The following DGKB variants were observed in gnomAD, a reference collection of about 807,000 sequenced individuals.
DGKB encodes the protein 90 kDa diacylglycerol kinase.
A neutral mutation model predicts 114.3 loss-of-function variants in DGKB; 67 were observed. That is an observed-to-expected ratio of 0.59 (90% CI 0.48 to 0.72). The LOEUF is 0.72. Ranked by LOEUF, DGKB falls within the 30% of genes least tolerant of loss-of-function variation. The probability of loss-of-function intolerance (pLI) is 0.00; values close to 1 mark genes in which losing one functional copy is unlikely to be tolerated. For synonymous variants in DGKB, 398 were observed against 323.1 expected (o/e 1.23, Z -2.49); for missense variants, 907 against 975.2 (o/e 0.93, Z 0.93).
chr7:14,235,831 ATGTGAAGCTATAAAACT>A (rs1332703138), intron 23 of DGKB, among the ~76,000 whole-genome samples: 1 of 152,092 alleles, frequency 6.6e-6, no homozygotes, highest in Non-Finnish European at 1.5e-5. Context: ...TTTAGCTGTT[ATGTGAAGCTATAAAACT>A]TAGTGGCAAC....
intron 21 of DGKB, among the ~76,000 whole-genome samples, chr7:14,415,863 T>G (rs1351213716): frequency 6.6e-6 from 1 of 152,172 alleles, no homozygotes; most frequent in African/African-American, 2.4e-5. Context: ...TCCACAATGG[T>G]TGAACTAGTT....
chr7:14,580,453 G>A (rs181018647), intron 19 of DGKB, among the ~76,000 whole-genome samples: 34 of 152,220 alleles, frequency 2.2e-4, no homozygotes, highest in African/African-American at 6.7e-4. Flanking sequence ...ATTATTTAAC[G>A]TATTCACTCC....
intron 1 of DGKB, among the ~76,000 whole-genome samples, chr7:14,944,889 G>A (rs1372134251): frequency 6.6e-6 from 1 of 151,580 alleles, no homozygotes; most frequent in Non-Finnish European, 1.5e-5. Flanking sequence ...AATATTAGAA[G>A]CATAAATCTT....
At chr7:14,934,550 A>G (rs1348474143) in intron 1 of DGKB, among the ~76,000 whole-genome samples, 1 of 152,154 alleles carries the variant, frequency 6.6e-6, no homozygotes, top group Non-Finnish European at 1.5e-5. Flanking sequence ...ACTTCAAACT[A>G]GAGAAGAGAC....
chr7:14,268,533 G>A (rs1797846687), intron 23 of DGKB, among the ~76,000 whole-genome samples: 1 of 152,158 alleles, frequency 6.6e-6, no homozygotes, highest in Non-Finnish European at 1.5e-5. Context: ...AAAAGCACAT[G>A]AGAAATTCTT....
intron 21 of DGKB, among the ~76,000 whole-genome samples, chr7:14,441,813 T>C (rs1830126920): frequency 6.6e-6 from 1 of 152,176 alleles, no homozygotes; most frequent in African/African-American, 2.4e-5. Flanking sequence ...TAATGACACA[T>C]TTAACAAATT....
chr7:14,735,500 A>G (rs1026073668), intron 5 of DGKB, among the ~76,000 whole-genome samples: 4 of 152,140 alleles, frequency 2.6e-5, no homozygotes, highest in African/African-American at 9.7e-5. Context: ...GACTGGAGGG[A>G]GATTGATACA....
intron 23 of DGKB, among the ~76,000 whole-genome samples, chr7:14,195,141 G>A (rs1784841757): frequency 6.6e-6 from 1 of 152,140 alleles, no homozygotes; most frequent in South Asian, 2.1e-4. Context: ...GGTTCTTGAA[G>A]CAGTTTGTTC....
intron 17 of DGKB, among the ~76,000 whole-genome samples, chr7:14,594,952 C>A (rs1802310872): frequency 6.6e-6 from 1 of 152,008 alleles, no homozygotes; most frequent in African/African-American, 2.4e-5. Context: ...TCCAGAGATT[C>A]AAAACAAGGT....
At chr7:14,401,893 C>T (rs963623337) in intron 21 of DGKB, among the ~76,000 whole-genome samples, 42 of 151,204 alleles carry the variant, frequency 2.8e-4, no homozygotes, top group Admixed American at 2.1e-3. Context: ...ATGTATGATA[C>T]CTGTGAATAA....
chr7:14,429,422 C>A (rs1828082569), intron 21 of DGKB, among the ~76,000 whole-genome samples: 1 of 152,138 alleles, frequency 6.6e-6, no homozygotes, highest in Admixed American at 6.5e-5. Flanking sequence ...TGATCTTGGA[C>A]TTCCAAGCCT....
intron 23 of DGKB, among the ~76,000 whole-genome samples, chr7:14,206,031 G>A (rs1786750689): frequency 6.6e-6 from 1 of 151,818 alleles, no homozygotes; most frequent in Admixed American, 6.6e-5. Context: ...ATTTAATAAT[G>A]CACATATTCA....
intron 20 of DGKB, among the ~76,000 whole-genome samples, chr7:14,537,190 G>A (rs1792646802): frequency 6.6e-6 from 1 of 152,060 alleles, no homozygotes; most frequent in Non-Finnish European, 1.5e-5. Flanking sequence ...AATGGATAGT[G>A]ATCCTTGAGT....
intron 20 of DGKB, among the ~76,000 whole-genome samples, chr7:14,517,643 T>A (rs1241909502): frequency 6.6e-6 from 1 of 151,736 alleles, no homozygotes; most frequent in Non-Finnish European, 1.5e-5. Context: ...CATTAAAAAG[T>A]GGGCAAAAAA....
intron 25 of DGKB, among the ~76,000 whole-genome samples, chr7:14,172,593 TAGAG>T (rs1161845508): frequency 6.6e-6 from 1 of 152,068 alleles, no homozygotes; most frequent in Non-Finnish European, 1.5e-5. Flanking sequence ...CTCAGTATGA[TAGAG>T]GGAAGAATCG....
chr7:14,383,068 A>T (rs1332480162), intron 21 of DGKB, among the ~76,000 whole-genome samples: 1 of 152,228 alleles, frequency 6.6e-6, no homozygotes, highest in Non-Finnish European at 1.5e-5. Context: ...TTTCTTTTGG[A>T]GTACACCATA....
chr7:14,370,640 C>A (rs111618699), intron 21 of DGKB, among the ~76,000 whole-genome samples: 459 of 152,278 alleles, frequency 3.0e-3, no homozygotes, highest in African/African-American at 0.011. Context: ...AGGTCCTTCA[C>A]TTCCCTTGTA....
chr7:14,244,693 A>G (rs868119884), intron 23 of DGKB, among the ~76,000 whole-genome samples: 183 of 138,154 alleles, frequency 1.3e-3, no homozygotes, highest in South Asian at 7.7e-3. Context: ...AAAAAAAAAA[A>G]GGGGTGCCTT....
intron 23 of DGKB, among the ~76,000 whole-genome samples, chr7:14,319,398 T>C (rs2128528490): frequency 6.6e-6 from 1 of 152,298 alleles, no homozygotes; most frequent in African/African-American, 2.4e-5. Context: ...ACAGTGCCAC[T>C]CTTCTTACTA....
Sources: allele counts gnomAD v4.1 joint callset (sites outside exome capture counted in the v4.1 genomes callset), GRCh38; gene constraint gnomAD v4.1.1; transcripts MANE v1.5; gene names NCBI Gene and HGNC (gene_info 2026-07-23, HGNC 2026-07-21).